DOCK10: variants seen among roughly 807,000 people sequenced by gnomAD.
DOCK10 encodes the protein dedicator of cytokinesis 10, also known as dedicator of cytokinesis protein 10.
Under a neutral mutation model 280.1 loss-of-function variants are expected in DOCK10, and 145 were observed. The observed-to-expected ratio is 0.52, with a 90% CI of 0.45 to 0.59. The LOEUF is 0.59. Among genes scored for constraint, DOCK10 ranks in the 20% least tolerant of loss-of-function variants. The probability of loss-of-function intolerance (pLI) is 0.00; values close to 1 mark genes in which losing one functional copy is unlikely to be tolerated. For synonymous variants in DOCK10, 915 were observed against 942.2 expected, an observed-to-expected ratio of 0.97 and a Z score of 0.53; for missense variants, 2,368 against 2,651.7, an observed-to-expected ratio of 0.89 and a Z score of 2.35.
chr2:224,957,914 G>A (rs1056151894), intron 1 of DOCK10, among the ~76,000 whole-genome samples: 69 of 152,154 alleles, frequency 4.5e-4, no homozygotes, highest in African/African-American at 1.5e-3. Flanking sequence ...GGTCACCTAG[G>A]CAAAGGCCCA....
chr2:224,852,389 G>T lies in DOCK10; in HGVS notation c.2130C>A (p.Ala710=). The stretch of plus-strand genomic sequence containing the variant: ...TGACTTGGCTCACCTTCAGGGGCTT[G>T]GCACTTTCTTCATCTGAATTTTTGA... ...IEFKNSDEES[A]KPLKCIYGKP... is the part of the protein sequence containing the mutation. The change falls in exon 18 of 56, where the codon GCC becomes GCA. Residue 710 remains alanine (A), a synonymous_variant. Transcript: ENST00000258390. 6.4e-7 allele frequency: 1 copy of T among 1,572,452 alleles called. No homozygotes were observed. Among genetic ancestry groups the T allele is most frequent in the Non-Finnish European group, 8.6e-7 (1 of 1,157,730 alleles).
At chr2:224,991,089 G>T (rs1706116148) in intron 1 of DOCK10, among the ~76,000 whole-genome samples, 1 of 152,224 alleles carries the variant, frequency 6.6e-6, no homozygotes, top group Admixed American at 6.5e-5. Flanking sequence ...TCTACTGGAA[G>T]GATGTCCCCG....
chr2:224,770,717 CA>C lies in DOCK10; in HGVS notation c.6205-73del, dbSNP rs1690381462. On this transcript the variant is annotated intron_variant, in intron 53 of 55. Transcript: ENST00000258390. The surrounding 1 kb of genome is among the most constrained non-coding windows in gnomAD (Gnocchi z 4.5). ...GTCTTTTCCACCGCTGGAAGAGGAG[CA>C]ACTGTGCACCAATGGTGTGGTACCC... is the stretch of plus-strand genomic sequence containing the variant. 5 of 1,082,674 alleles carry C rather than the reference CA, an allele frequency of 4.6e-6. No homozygotes were observed. The Admixed American group carries it at 8.9e-5, about 19-fold the overall frequency. The allele number at this position is 1,082,674 out of a possible 1,614,324, so 67.1% of individuals were successfully genotyped here.
intron 31 of DOCK10, among the ~76,000 whole-genome samples, chr2:224,812,081 T>C (rs1486828809): frequency 6.6e-6 from 1 of 152,196 alleles, no homozygotes; most frequent in Non-Finnish European, 1.5e-5. Context: ...TTGGGCAGTA[T>C]GGCCATTTTC....
At chr2:224,861,438 C>A (rs944077157) in intron 14 of DOCK10, 2 of 152,258 alleles carry the variant, frequency 1.3e-5, no homozygotes, top group Non-Finnish European at 2.9e-5. Context: ...GGCCTGGACT[C>A]TCCCTCCCTT....
At chr2:224,937,655 G>A (rs1242785815) in intron 1 of DOCK10, among the ~76,000 whole-genome samples, 1 of 152,002 alleles carries the variant, frequency 6.6e-6, no homozygotes, top group Non-Finnish European at 1.5e-5. Flanking sequence ...ATCCCCCATA[G>A]GAAAAAGGAA....
intron 47 of DOCK10, 124 bp from the exon 48 acceptor site, chr2:224,789,294 G>A (rs1003005568): frequency 1.6e-6 from 1 of 616,812 alleles, no homozygotes; most frequent in East Asian, 2.8e-5. Context: ...TCAACAAGAT[G>A]GTTAGATTAT....
At chr2:224,832,185 C>T (rs1386996680) in intron 26 of DOCK10, among the ~76,000 whole-genome samples, 1 of 152,200 alleles carries the variant, frequency 6.6e-6, no homozygotes, top group Non-Finnish European at 1.5e-5. Context: ...TGCTTTACTT[C>T]ACAATTTTGC....
intron 2 of DOCK10, among the ~76,000 whole-genome samples, chr2:224,928,433 A>G (rs1702154699): frequency 1.3e-5 from 2 of 152,174 alleles, no homozygotes; most frequent in African/African-American, 4.8e-5. Context: ...AGATAATTTT[A>G]ATGTGTTTTG....
chr2:225,038,917 A>G (rs1182441938), intron 1 of DOCK10, among the ~76,000 whole-genome samples: 1 of 152,128 alleles, frequency 6.6e-6, no homozygotes, highest in Non-Finnish European at 1.5e-5. Flanking sequence ...ATAAAACTCC[A>G]TTTCTCTCAA....
At chr2:224,982,302 G>A (rs1161798790) in intron 1 of DOCK10, 1 of 1,232,038 alleles carries the variant, frequency 8.1e-7, no homozygotes, top group Admixed American at 4.2e-5. Context: ...CTACAAATGT[G>A]TGGACAGCTC....
chr2:225,027,648 G>A (rs140903693), intron 1 of DOCK10, among the ~76,000 whole-genome samples: 84 of 152,132 alleles, frequency 5.5e-4, no homozygotes, highest in African/African-American at 1.9e-3. Flanking sequence ...CATGTAAGAC[G>A]CCCCACTTCC....
chr2:224,878,251 T>C (rs6436516), intron 7 of DOCK10, among the ~76,000 whole-genome samples: 61,431 of 152,050 alleles, frequency 0.4, 15,853 homozygotes, highest in African/African-American at 0.74. Context: ...AATTACTAAA[T>C]ACTGGCTCTG....
intron 1 of DOCK10, among the ~76,000 whole-genome samples, chr2:224,977,427 G>A (rs1396862264): frequency 1.3e-5 from 2 of 152,072 alleles, no homozygotes; most frequent in Non-Finnish European, 2.9e-5. Flanking sequence ...GGGGGAAGGG[G>A]AAAGAAAAAG....
chr2:224,993,968 A>T (rs1706199329), intron 1 of DOCK10, among the ~76,000 whole-genome samples: 1 of 152,210 alleles, frequency 6.6e-6, no homozygotes, highest in African/African-American at 2.4e-5. Context: ...GGCAGTCTTG[A>T]TAAAGGTCTT....
intron 28 of DOCK10, among the ~76,000 whole-genome samples, chr2:224,820,366 T>C (rs1694429719): frequency 6.6e-6 from 1 of 152,174 alleles, no homozygotes; most frequent in Non-Finnish European, 1.5e-5. Context: ...AGGCAAAGTG[T>C]GGAGCAGGAG....
chr2:225,021,141 C>T (rs967158690), intron 1 of DOCK10, among the ~76,000 whole-genome samples: 2 of 152,208 alleles, frequency 1.3e-5, no homozygotes, highest in African/African-American at 4.8e-5. Flanking sequence ...TCCAAAACCA[C>T]ATTTCCATGT....
Position 224,961,416 on chromosome 2 carries a change from T to TTC in DOCK10, c.124-29750_124-29749dup, listed in dbSNP as rs199595855. Among the ~76,000 whole-genome samples, 645 of 88,938 alleles carry TTC rather than the reference T, an allele frequency of 7.3e-3. 4 individuals carry two copies. Among genetic ancestry groups the TTC allele is most frequent in the African/African-American group, 0.023 (608 of 26,076 alleles). 58.3% of individuals were successfully genotyped at this position (88,938 alleles called of 152,430 possible). A position where few individuals can be genotyped will look rare whatever the true frequency, so the allele number is the denominator to read the frequency against. Reference sequence around the variant, plus strand: ...CAGCATTTTCTTTCTTTCTTTCTCTTTCTTTCTTTCTTTCTTTCTTTCTTT... The same window carrying TTC: ...CAGCATTTTCTTTCTTTCTTTCTCTTTCTCTTTCTTTCTTTCTTTCTTTCTTT... On this transcript the variant is annotated intron_variant, in intron 1 of 55. Transcript: ENST00000258390.
intron 19 of DOCK10, among the ~76,000 whole-genome samples, chr2:224,846,314 C>T (rs1317139274): frequency 6.6e-6 from 1 of 152,100 alleles, no homozygotes; most frequent in Admixed American, 6.5e-5. Context: ...TTAAGGGACA[C>T]GAATTGAATA....
Sources: gnomAD v4.1 joint callset for allele counts (sites outside exome capture counted in the v4.1 genomes callset) on GRCh38, gnomAD v4.1.1 for gene constraint, Gnocchi (gnomAD v3.1) non-coding constraint, MANE v1.5 for transcripts, NCBI Gene and HGNC (gene_info 2026-07-23, HGNC 2026-07-21) for gene names.